Variants in FHIP2A observed in about 807,000 individuals in gnomAD.
The protein encoded by FHIP2A is FHF complex subunit HOOK interacting protein 2A.
Under a neutral mutation model 93.5 loss-of-function variants are expected in FHIP2A, and 46 were observed. The ratio of observed to expected loss-of-function variants is 0.49; its 90% CI spans 0.39 to 0.63. The LOEUF (loss-of-function observed/expected upper bound fraction) is 0.63. FHIP2A is among the 20% of genes least tolerant of loss of function. The probability of loss-of-function intolerance (pLI) is 0.00; values close to 1 mark genes in which losing one functional copy is unlikely to be tolerated. For synonymous variants in FHIP2A, 332 were observed against 326.5 expected (o/e 1.02, Z -0.18); for missense variants, 769 against 909.7 (o/e 0.85, Z 1.99).
At chr10:114,856,290 C>CA (rs920898619) in intron 14 of FHIP2A, among the ~76,000 whole-genome samples, 6 of 148,458 alleles carry the variant, frequency 4.0e-5, no homozygotes, top group Admixed American at 3.4e-4. Flanking sequence ...AGACCAGGTC[C>CA]TTTTTTTTTT....
chr10:114,843,667 T>G (rs2083682931), intron 6 of FHIP2A, 74 bp from the exon 7 acceptor site: 1 of 1,141,948 alleles, frequency 8.8e-7, no homozygotes, highest in African/African-American at 1.6e-5. Flanking sequence ...TTAAATCCTT[T>G]TATGTTGAAT....
chr10:114,897,390 T>G (rs943291019), intron 16 of FHIP2A, among the ~76,000 whole-genome samples: 1 of 152,226 alleles, frequency 6.6e-6, no homozygotes, highest in Non-Finnish European at 1.5e-5. Flanking sequence ...CTGGCAAGTG[T>G]ACCCTTTCTG....
At chr10:114,894,630 A>C (rs1382153216) in intron 16 of FHIP2A, among the ~76,000 whole-genome samples, 1 of 152,142 alleles carries the variant, frequency 6.6e-6, no homozygotes, top group Non-Finnish European at 1.5e-5. Context: ...TATATGGAAA[A>C]GGACATTTTC....
chr10:114,863,787 AAATG>A lies in FHIP2A; in HGVS notation c.*2248_*2251del. Reference sequence around the variant, plus strand: ...TCAGTACTTGCAAAAACAGTAACTAAAATGCACTATGCTGAGTGGAAAGCACCGT... The same window carrying A: ...TCAGTACTTGCAAAAACAGTAACTAACACTATGCTGAGTGGAAAGCACCGT... On this transcript the variant is annotated 3_prime_UTR_variant, in exon 17 of 17. Transcript: ENST00000369248. 1 of 1,256,460 alleles carries A rather than the reference AAATG, an allele frequency of 8.0e-7. No individual in the cohort carries two copies. Among genetic ancestry groups the A allele is most frequent in the Non-Finnish European group, 1.0e-6 (1 of 970,328 alleles). The allele number at this position is 1,256,460 out of a possible 1,614,324, so 77.8% of individuals were successfully genotyped here.
intron 14 of FHIP2A, among the ~76,000 whole-genome samples, chr10:114,855,864 C>G (rs2083763525): frequency 6.6e-6 from 1 of 152,134 alleles, no homozygotes; most frequent in Non-Finnish European, 1.5e-5. Flanking sequence ...ATAAAAATCA[C>G]CATCAGCTGA....
chr10:114,861,461 G>C lies in FHIP2A; in HGVS notation c.2219G>C (p.Gly740Ala). Residue 740 changes from glycine (G) to alanine (A), a missense_variant, in exon 17 of 17, where the codon GGT (glycine) becomes GCT (alanine). Coordinates refer to ENST00000369248, the MANE Select transcript of FHIP2A (RefSeq NM_020940.4). ...PIIDHITLLE[G>A]VIVLEEFCKE... ...ATTGACCACATCACACTGCTAGAGG[G>C]TGTGATTGTGTTAGAAGAGTTCTGT... 1 of 1,614,076 alleles carries C rather than the reference G, an allele frequency of 6.2e-7. No individual in the cohort carries two copies. Among genetic ancestry groups the C allele is most frequent in the Non-Finnish European group, 8.5e-7 (1 of 1,180,004 alleles).
At position 114,824,675 on chromosome 10, in the gene FHIP2A, T is replaced by C. The variant is rs117188082; in HGVS notation, c.45+2552T>C. ...CATCCTTGTGTATTTGGATAGTTTT[T>C]TCGTAGCCCAAGGTTAGTTTCCAGT... On this transcript the variant is annotated intron_variant, in intron 1 of 16. Transcript: ENST00000369248. Among the ~76,000 whole-genome samples the C allele has an allele frequency of 1.9e-4, 29 of 152,358 alleles. No individual in the cohort carries two copies. The East Asian group carries it at 5.6e-3, about 29-fold the overall frequency.
intron 7 of FHIP2A, 117 bp downstream of exon 7, chr10:114,844,054 C>A: frequency 1.5e-6 from 1 of 667,876 alleles, no homozygotes; most frequent in Non-Finnish European, 2.4e-6. Context: ...CACTAGTGAT[C>A]ATTAAATGGG....
chr10:114,896,636 TC>T (rs1237492182), intron 16 of FHIP2A, among the ~76,000 whole-genome samples: 8 of 152,204 alleles, frequency 5.3e-5, no homozygotes, highest in East Asian at 1.9e-4. Flanking sequence ...TGGAAGCCCC[TC>T]CCCGCTTCCT....
At position 114,846,069 on chromosome 10, in the gene FHIP2A, G is replaced by C; in HGVS notation, c.1185G>C (p.Met395Ile). ...AVHERFFIGV[M>I]EPQLMQTSEM... is the part of the protein sequence containing the mutation. ...ATGAAAGATTTTTCATTGGTGTTATGGAACCTCAATTAATGCAAACGTGAG... is the reference window on the plus strand; with the variant it reads ...ATGAAAGATTTTTCATTGGTGTTATCGAACCTCAATTAATGCAAACGTGAG... The change falls in exon 9 of 17, where the codon ATG becomes ATC. Residue 395 changes from methionine (M) to isoleucine (I), a missense_variant. Transcript: ENST00000369248. 1 of 1,613,732 alleles carries C rather than the reference G, an allele frequency of 6.2e-7. No homozygotes were observed. Among genetic ancestry groups the C allele is most frequent in the Non-Finnish European group, 8.5e-7 (1 of 1,179,824 alleles).
In FHIP2A at chr10:114,855,284, T is replaced by C; in HGVS notation, c.1891T>C (p.Phe631Leu). 1 of 1,614,078 alleles carries C rather than the reference T, an allele frequency of 6.2e-7. No homozygotes were observed. Among genetic ancestry groups the C allele is most frequent in the Non-Finnish European group, 8.5e-7 (1 of 1,179,930 alleles). The change falls in exon 14 of 17, where the codon TTT becomes CTT. Residue 631 changes from phenylalanine to leucine, a missense_variant. Physicochemically the swap from Phe to Leu is conservative, Grantham distance 22. Coordinates refer to ENST00000369248, the MANE Select transcript of FHIP2A (RefSeq NM_020940.4). ...AAAGTGCAATTTAGAAGCTGCTTTCTTTGAAGGTCATTTTTTGAAAGTGCT... is the reference window on the plus strand; with the variant it reads ...AAAGTGCAATTTAGAAGCTGCTTTCCTTGAAGGTCATTTTTTGAAAGTGCT... Reference protein sequence around the residue: ...LEKCNLEAAFFEGHFLKVLFD... With the variant: ...LEKCNLEAAFLEGHFLKVLFD...
rs532320948 is a variant in FHIP2A, at chr10:114,841,327, C to T, written c.523-1606C>T. ...TTTTTTTTTGAGGTGGAGTCTTGCT[C>T]TGTTGCCCAGGCTGGAGTGCAGTGG... On this transcript the variant is annotated intron_variant, in intron 5 of 16. Coordinates refer to ENST00000369248, the MANE Select transcript of FHIP2A (RefSeq NM_020940.4). Among the ~76,000 whole-genome samples the T allele has an allele frequency of 7.4e-4, 96 of 130,418 alleles. 3 individuals carry two copies. In the South Asian group the frequency reaches 0.023, roughly 32 times the overall value. The allele number at this position is 130,418 out of a possible 152,430, so 85.6% of individuals were successfully genotyped here. A position where few individuals can be genotyped will look rare whatever the true frequency, so the allele number is the denominator to read the frequency against.
chr10:114,838,436 T>G (rs1404726781), intron 5 of FHIP2A, among the ~76,000 whole-genome samples: 2 of 152,166 alleles, frequency 1.3e-5, no homozygotes, highest in Non-Finnish European at 2.9e-5. Context: ...TTTTGCAAAT[T>G]TGCTTCAAAA....
rs1235756419 is a variant in FHIP2A, at chr10:114,883,081, G to C, written c.2193-16409G>C. ...AAAGAGCACCAGCATGATATGGGTAGAAGGAGAAATTACCAGGAAAGGAGG... is the reference window on the plus strand; with the variant it reads ...AAAGAGCACCAGCATGATATGGGTACAAGGAGAAATTACCAGGAAAGGAGG... On this transcript the variant is annotated intron_variant, in intron 16 of 16. Coordinates refer to the FHIP2A transcript ENST00000369250. 5.3e-5 allele frequency among the ~76,000 whole-genome samples: 8 copies of C among 152,286 alleles called. No individual in the cohort carries two copies. The East Asian group carries it at 1.5e-3, about 29-fold the overall frequency.
intron 1 of FHIP2A, among the ~76,000 whole-genome samples, chr10:114,823,793 C>G (rs1320138838): frequency 1.3e-5 from 2 of 151,946 alleles, no homozygotes; most frequent in Non-Finnish European, 2.9e-5. Context: ...CCACCACACC[C>G]GGCCCGAATC....
intron 12 of FHIP2A, 120 bp downstream of exon 12, chr10:114,847,353 A>T: frequency 1.2e-6 from 1 of 830,288 alleles, no homozygotes; most frequent in Non-Finnish European, 1.8e-6. Flanking sequence ...CAGTGGCACG[A>T]TCTCTGCTCA....
chr10:114,872,581 A>G (rs1365574353), intron 16 of FHIP2A, among the ~76,000 whole-genome samples: 5 of 152,194 alleles, frequency 3.3e-5, no homozygotes, highest in Non-Finnish European at 7.3e-5. Flanking sequence ...GGAAGATGTC[A>G]TCCTACTCCA....
In FHIP2A at chr10:114,856,674, A is replaced by AAAT. The variant is rs1214063139; in HGVS notation, c.1947+1334_1947+1335insAAT. On this transcript the variant is annotated intron_variant, in intron 14 of 16. Transcript: ENST00000369248. ...GATCTACCCTGAATCTTCAACCTTG[A>AAAT]GCACTTTTTCTCTAGTTTGTGGAGT... Among the ~76,000 whole-genome samples, 82 of 152,320 alleles carry AAAT rather than the reference A, an allele frequency of 5.4e-4. 1 individual carries two copies. Among genetic ancestry groups the AAAT allele is most frequent in the Middle Eastern group, 3.4e-3 (1 of 294 alleles).
chr10:114,865,748 A>G (rs1387560474), downstream of FHIP2A, among the ~76,000 whole-genome samples: 1 of 152,126 alleles, frequency 6.6e-6, no homozygotes, highest in Non-Finnish European at 1.5e-5. Context: ...AATTAACATA[A>G]AACTGTAAAA....
Sources: allele counts gnomAD v4.1 joint callset (sites outside exome capture counted in the v4.1 genomes callset), GRCh38; gene constraint gnomAD v4.1.1; transcripts MANE v1.5; gene names NCBI Gene and HGNC (gene_info 2026-07-23, HGNC 2026-07-21).